The following SMPX variants were observed in gnomAD, a reference collection of about 807,000 sequenced individuals.
The protein encoded by SMPX is small muscle protein X-linked.
Under a neutral mutation model 6.3 loss-of-function variants are expected in SMPX, and 2 were observed. That is an observed-to-expected ratio of 0.32 (90% CI 0.13 to 0.99). SMPX has a LOEUF of 0.99. Among genes scored for constraint, SMPX ranks in the 50% least tolerant of loss-of-function variants. The pLI, the probability that SMPX is intolerant of heterozygous loss-of-function variation, is 0.49. For synonymous variants in SMPX, 32 were observed against 24.7 expected, an observed-to-expected ratio of 1.30 and a Z score of -0.88; for missense variants, 60 against 66.8, an observed-to-expected ratio of 0.90 and a Z score of 0.36.
In SMPX at chrX:21,752,127, G is replaced by A. The variant is rs2092828032; in HGVS notation, c.45+2119C>T. Among the ~76,000 whole-genome samples, 6 of 111,739 alleles carry A rather than the reference G, an allele frequency of 5.4e-5. No individual in the cohort carries two copies. In the South Asian group the frequency reaches 2.2e-3, roughly 42 times the overall value. ...AGAATGGATGGATTTTTTGTAATGC[G>A]GTATAATAACGGCTACTGAGAACAG... On this transcript the variant is annotated intron_variant, in intron 2 of 4. Transcript: ENST00000379494.
chrX:21,715,310 ACGCGCGCGCG>A (rs747497147), intron 4 of SMPX, among the ~76,000 whole-genome samples: 2 of 87,313 alleles, frequency 2.3e-5, no homozygotes, highest in African/African-American at 9.3e-5. Context: ...GTGTGCGCGC[ACGCGCGCGCG>A]CTCGCGCGCT....
intron 2 of SMPX, among the ~76,000 whole-genome samples, chrX:21,749,657 T>C (rs1569309420): frequency 9.0e-6 from 1 of 111,678 alleles, no homozygotes; most frequent in East Asian, 2.8e-4. Flanking sequence ...CCTGGGGGAG[T>C]TACTTCACTT....
intron 1 of SMPX, among the ~76,000 whole-genome samples, chrX:21,756,817 G>A (rs1301479793): frequency 1.8e-5 from 2 of 112,470 alleles, no homozygotes; most frequent in South Asian, 3.7e-4. Context: ...CAATTACTAC[G>A]TCTCCTGGTT....
At chrX:21,733,735 G>A (rs2147384802) in intron 4 of SMPX, 1 of 325,210 alleles carries the variant, frequency 3.1e-6, no homozygotes, top group South Asian at 2.7e-5. Flanking sequence ...TCAATTCTTT[G>A]ATATCACTGA....
intron 4 of SMPX, among the ~76,000 whole-genome samples, chrX:21,734,280 A>G (rs761534435): frequency 9.0e-6 from 1 of 111,598 alleles, no homozygotes; most frequent in East Asian, 2.8e-4. Flanking sequence ...ACAGAAATGG[A>G]CACAAAGTCT....
intron 2 of SMPX, among the ~76,000 whole-genome samples, chrX:21,750,533 T>A (rs2092826348): frequency 8.9e-6 from 1 of 112,347 alleles, no homozygotes; most frequent in Admixed American, 9.4e-5. Flanking sequence ...TGGTCCTTTA[T>A]AGAAAAGGTT....
At chrX:21,720,789 C>T (rs866144995) in intron 4 of SMPX, among the ~76,000 whole-genome samples, 1 of 112,383 alleles carries the variant, frequency 8.9e-6, no homozygotes, top group Non-Finnish European at 1.9e-5. Context: ...ACACAGCTGG[C>T]TGACCTTGAA....
chrX:21,712,476 T>C (rs1396622710), intron 4 of SMPX, among the ~76,000 whole-genome samples: 1 of 111,515 alleles, frequency 9.0e-6, no homozygotes, highest in Non-Finnish European at 1.9e-5. Context: ...TCCTATTGTA[T>C]TGAGAGTTTG....
At chrX:21,739,671 A>G (rs1443323265) in intron 3 of SMPX, among the ~76,000 whole-genome samples, 1 of 112,470 alleles carries the variant, frequency 8.9e-6, no homozygotes, top group African/African-American at 3.2e-5. Context: ...ACAAGGCTAT[A>G]AAGTGCTGTG....
rs1388337051 is a variant in SMPX at position 21,731,508 on chromosome X, T to TA, written c.*14+6040_*14+6041insT. 7.4e-5 allele frequency among the ~76,000 whole-genome samples: 6 copies of TA among 81,205 alleles called. 1 individual carries two copies. The highest frequency in any genetic ancestry group is 1.4e-4 in the Non-Finnish European group (6 of 41,985). The allele number at this position is 81,205 out of a possible 115,157, so 70.5% of individuals were successfully genotyped here. Reference sequence around the variant, plus strand: ...ATGTGTGTATGTGTACACATACACATTATGTGTGTATGTGTACACATACAC... The same window carrying TA: ...ATGTGTGTATGTGTACACATACACATATATGTGTGTATGTGTACACATACAC... On this transcript the variant is annotated intron_variant, in intron 4 of 4. Transcript: ENST00000379494.
intron 2 of SMPX, among the ~76,000 whole-genome samples, chrX:21,747,629 C>T (rs752317728): frequency 1.8e-5 from 2 of 111,550 alleles, no homozygotes; most frequent in South Asian, 7.6e-4. Flanking sequence ...ATCTTCTTTC[C>T]CCAGTGGGTT....
chrX:21,722,043 C>T (rs937020120), intron 4 of SMPX, among the ~76,000 whole-genome samples: 5 of 110,578 alleles, frequency 4.5e-5, no homozygotes, highest in Admixed American at 9.6e-5. Flanking sequence ...CACCTGTGGT[C>T]CCAGCTACTT....
intron 3 of SMPX, 99 bp downstream of exon 3, chrX:21,743,651 T>A (rs1040479467): frequency 3.0e-6 from 2 of 667,499 alleles, no homozygotes; most frequent in African/African-American, 4.3e-5. Flanking sequence ...CCCCCTCCCT[T>A]GTCCTGGATA....
chrX:21,720,246 G>A (rs2092790233), intron 4 of SMPX, among the ~76,000 whole-genome samples: 1 of 112,379 alleles, frequency 8.9e-6, no homozygotes, highest in Non-Finnish European at 1.9e-5. Flanking sequence ...CTCACTCCAG[G>A]GAGAGTTGAC....
intron 2 of SMPX, among the ~76,000 whole-genome samples, chrX:21,745,390 A>ATG (rs2092820345): frequency 9.0e-6 from 1 of 111,665 alleles, no homozygotes; most frequent in Non-Finnish European, 1.9e-5. Flanking sequence ...ATGGAGCCAT[A>ATG]CTTCATGAAT....
intron 4 of SMPX, among the ~76,000 whole-genome samples, chrX:21,716,126 C>A (rs1028992055): frequency 3.6e-5 from 4 of 112,058 alleles, no homozygotes. Context: ...TCACTAAAGT[C>A]ACCTTGTAAC....
chrX:21,745,941 T>G (rs2092820976), intron 2 of SMPX, among the ~76,000 whole-genome samples: 1 of 111,996 alleles, frequency 8.9e-6, no homozygotes, highest in Non-Finnish European at 1.9e-5. Context: ...TGACTACTTT[T>G]CCTGTTCGGA....
chrX:21,715,901 C>T, intron 4 of SMPX, among the ~76,000 whole-genome samples: 1 of 111,238 alleles, frequency 9.0e-6, no homozygotes, highest in Middle Eastern at 4.7e-3. Context: ...GCCCAATTGT[C>T]AATAGTGCTG....
intron 4 of SMPX, among the ~76,000 whole-genome samples, chrX:21,721,214 C>T (rs1331549884): frequency 1.8e-5 from 2 of 111,693 alleles, no homozygotes; most frequent in South Asian, 3.9e-4. Flanking sequence ...TGGGTAGACA[C>T]GAGTCACAAC....
Sources: allele counts gnomAD v4.1 joint callset (sites outside exome capture counted in the v4.1 genomes callset), GRCh38; gene constraint gnomAD v4.1.1; transcripts MANE v1.5; gene names NCBI Gene and HGNC (gene_info 2026-07-23, HGNC 2026-07-21).